Variants in ST7 observed in about 807,000 individuals in gnomAD.
The protein encoded by ST7 is suppression of tumorigenicity 7, also known as suppressor of tumorigenicity 7 protein.
Under a neutral mutation model 78.7 loss-of-function variants are expected in ST7, and 28 were observed. The ratio of observed to expected loss-of-function variants is 0.36; its 90% CI spans 0.26 to 0.49. ST7 has a LOEUF of 0.49. Ranked by LOEUF, ST7 falls within the 20% of genes least tolerant of loss-of-function variation. The pLI is 0.99. For synonymous variants in ST7, 247 were observed against 249.6 expected (o/e 0.99, Z 0.10); for missense variants, 418 against 696.0 (o/e 0.60, Z 4.49).
chr7:117,097,908 A>ATATATATATATATATATATATT, intron 1 of ST7, among the ~76,000 whole-genome samples: 4 of 30,008 alleles, frequency 1.3e-4, no homozygotes, highest in African/African-American at 3.2e-4. Flanking sequence ...ATATATATAT[A>ATATATATATATATATATATATT]TTTTTTTTTT....
intron 12 of ST7, among the ~76,000 whole-genome samples, chr7:117,196,138 A>G (rs1196620534): frequency 6.6e-6 from 1 of 152,216 alleles, no homozygotes; most frequent in Non-Finnish European, 1.5e-5. Flanking sequence ...CTGAATATAT[A>G]TGCCACATTG....
At chr7:116,998,095 G>A (rs1794751019) in intron 1 of ST7, among the ~76,000 whole-genome samples, 1 of 152,066 alleles carries the variant, frequency 6.6e-6, no homozygotes, top group Non-Finnish European at 1.5e-5. Flanking sequence ...CATGGAGGCA[G>A]GGGGGAGGCT....
chr7:117,039,612 G>T (rs1313116540), intron 1 of ST7, among the ~76,000 whole-genome samples: 2 of 151,740 alleles, frequency 1.3e-5, no homozygotes, highest in African/African-American at 2.4e-5. Context: ...TCCAAACTCT[G>T]AATTTGTAAA....
chr7:117,024,346 A>G (rs1188543451), intron 1 of ST7, among the ~76,000 whole-genome samples: 1 of 152,190 alleles, frequency 6.6e-6, no homozygotes, highest in Admixed American at 6.5e-5. Flanking sequence ...TACTTTAAGT[A>G]TGATGAATTA....
At position 117,219,986 on chromosome 7, in the gene ST7, A is replaced by C. The variant is rs1792967735; in HGVS notation, c.1498+810A>C. Among the ~76,000 whole-genome samples, 2 of 152,198 alleles carry C rather than the reference A, an allele frequency of 1.3e-5. No homozygotes were observed. Among genetic ancestry groups the C allele is most frequent in the African/African-American group, 4.8e-5 (2 of 41,446 alleles). On this transcript the variant is annotated intron_variant, in intron 14 of 15. Coordinates refer to ENST00000323984, the MANE Select transcript of ST7 (RefSeq NM_001369598.1). The surrounding 1 kb of genome is among the most constrained non-coding windows in gnomAD (Gnocchi z 5.1). ...GACTTAGGATATATTTTTCTCCCTCAGATAATAAGCTCCAAATTTTAGCTC... is the reference window on the plus strand; with the variant it reads ...GACTTAGGATATATTTTTCTCCCTCCGATAATAAGCTCCAAATTTTAGCTC...
intron 1 of ST7, among the ~76,000 whole-genome samples, chr7:116,998,500 G>C (rs1323577603): frequency 6.6e-6 from 1 of 152,258 alleles, no homozygotes; most frequent in Non-Finnish European, 1.5e-5. Flanking sequence ...GGGCACCAAG[G>C]CCGAGGAGGT....
intron 1 of ST7, among the ~76,000 whole-genome samples, chr7:117,025,055 A>G (rs1796119320): frequency 6.6e-6 from 1 of 152,226 alleles, no homozygotes; most frequent in Admixed American, 6.5e-5. Context: ...CAAATGAATA[A>G]TACTCTAGCA....
At chr7:117,071,541 G>A (rs1310387912) in intron 1 of ST7, among the ~76,000 whole-genome samples, 1 of 152,184 alleles carries the variant, frequency 6.6e-6, no homozygotes, top group African/African-American at 2.4e-5. Flanking sequence ...ATGAAAATAT[G>A]GGCTTTGCCA....
chr7:117,218,327 A>G (rs1395315947), intron 13 of ST7, among the ~76,000 whole-genome samples: 1 of 152,176 alleles, frequency 6.6e-6, no homozygotes, highest in Non-Finnish European at 1.5e-5. Flanking sequence ...CAGTGAGACT[A>G]ACATGCTGAT....
intron 12 of ST7, among the ~76,000 whole-genome samples, chr7:117,208,899 GTGGGTGTGTGT>G (rs1792027028): frequency 1.0e-5 from 1 of 99,854 alleles, no homozygotes; most frequent in African/African-American, 4.0e-5. Context: ...GGGTGTATGT[GTGGGTGTGTGT>G]GTGTGTGTGT....
intron 9 of ST7, among the ~76,000 whole-genome samples, chr7:117,149,965 T>C (rs1426428747): frequency 1.3e-5 from 2 of 152,180 alleles, no homozygotes; most frequent in African/African-American, 2.4e-5. Context: ...ATTTCCTCCA[T>C]GGAAAGATCG....
intron 1 of ST7, among the ~76,000 whole-genome samples, chr7:116,981,842 A>G (rs903542744): frequency 1.3e-5 from 2 of 152,248 alleles, no homozygotes; most frequent in African/African-American, 2.4e-5. Context: ...ACTGTACTGT[A>G]CATAATTATA....
chr7:117,150,398 T>G (rs191072998), intron 9 of ST7, among the ~76,000 whole-genome samples: 71 of 152,344 alleles, frequency 4.7e-4, no homozygotes, highest in African/African-American at 1.6e-3. Context: ...CATCTTCTCT[T>G]GACTCTTCTG....
At chr7:117,063,044 A>C (rs1487067163) in intron 1 of ST7, among the ~76,000 whole-genome samples, 1 of 152,248 alleles carries the variant, frequency 6.6e-6, no homozygotes, top group African/African-American at 2.4e-5. Flanking sequence ...CAATAGTGAT[A>C]TTTTAAAGAA....
At chr7:117,083,449 G>T (rs1045571311) in intron 1 of ST7, among the ~76,000 whole-genome samples, 5 of 151,924 alleles carry the variant, frequency 3.3e-5, no homozygotes, top group Admixed American at 6.6e-5. Context: ...GTAGGGATGG[G>T]GTTTCACCAT....
At chr7:116,965,481 C>G (rs28428685) in intron 1 of ST7, among the ~76,000 whole-genome samples, 5,487 of 152,166 alleles carry the variant, frequency 0.036, 338 homozygotes, top group African/African-American at 0.12. Context: ...CTAGATAACA[C>G]GTTGATGGGT....
chr7:116,994,265 C>A (rs1794553021), intron 1 of ST7, among the ~76,000 whole-genome samples: 1 of 152,074 alleles, frequency 6.6e-6, no homozygotes. Context: ...AATATTTATC[C>A]TTTTATGACT....
intron 2 of ST7, among the ~76,000 whole-genome samples, chr7:117,111,635 T>C (rs1340277243): frequency 6.6e-6 from 1 of 152,210 alleles, no homozygotes; most frequent in Non-Finnish European, 1.5e-5. Flanking sequence ...CCTATGCCTA[T>C]ACCCATCCAT....
At position 117,101,443 on chromosome 7, in the gene ST7, G is replaced by A. The variant is rs578049793; in HGVS notation, c.234+1599G>A. On this transcript the variant is annotated intron_variant, in intron 2 of 15. Transcript: ENST00000323984. ...CACTAAGGGCACTCTTAGAAGATTC[G>A]AAGCTCAGTATGTGCTTCTGGAGCC... Among the ~76,000 whole-genome samples the A allele has an allele frequency of 6.8e-4, 104 of 152,200 alleles. 3 individuals carry two copies. In the South Asian group the frequency reaches 0.021, roughly 30 times the overall value.
Sources: gnomAD v4.1 joint callset for allele counts (sites outside exome capture counted in the v4.1 genomes callset) on GRCh38, gnomAD v4.1.1 for gene constraint, Gnocchi (gnomAD v3.1) non-coding constraint, MANE v1.5 for transcripts, NCBI Gene and HGNC (gene_info 2026-07-23, HGNC 2026-07-21) for gene names.